RANBP2: variants seen among roughly 807,000 people sequenced by gnomAD.
The protein encoded by RANBP2 is RAN binding protein 2.
In RANBP2, 57 loss-of-function variants were observed where a neutral mutation model predicts 303.6. That is an observed-to-expected ratio of 0.19 (90% CI 0.15 to 0.23). RANBP2 has a LOEUF of 0.23. Among genes scored for constraint, RANBP2 ranks in the 10% least tolerant of loss-of-function variants. The pLI is 1.00. For synonymous variants in RANBP2, 1,167 were observed against 1,301.5 expected (o/e 0.90, Z 2.23); for missense variants, 3,138 against 3,780.8 (o/e 0.83, Z 4.46).
the RANBP2 span, among the ~76,000 whole-genome samples, chr2:109,064,924 A>G: frequency 6.6e-6 from 1 of 152,244 alleles, no homozygotes; most frequent in East Asian, 1.9e-4. Context: ...GGGATAGCGC[A>G]TGAGCTGGAT....
the RANBP2 span, among the ~76,000 whole-genome samples, chr2:109,015,943 G>A: frequency 6.6e-6 from 1 of 152,164 alleles, no homozygotes; most frequent in African/African-American, 2.4e-5. Flanking sequence ...AGGGGTCGGT[G>A]CCCCCACTTC....
In RANBP2 at chr2:108,763,518, T is replaced by C; in HGVS notation, c.2979T>C (p.Ser993=). The C allele has an allele frequency of 6.2e-7, 1 of 1,614,146 alleles. No homozygotes were observed. The highest frequency in any genetic ancestry group is 8.5e-7 in the Non-Finnish European group (1 of 1,179,998). ...CGATTGCAGCTCATGCTTCAAGATC[T>C]GCAGAATCTAAGACTATAGAATTTG... ...KPPIAAHASR[S]AESKTIEFGK... Residue 993 remains serine (S), a synonymous_variant, in exon 20 of 29, where the codon TCT becomes TCC. Coordinates refer to ENST00000283195, the MANE Select transcript of RANBP2 (RefSeq NM_006267.5).
the RANBP2 span, among the ~76,000 whole-genome samples, chr2:108,848,183 AAT>A: frequency 6.6e-6 from 1 of 152,246 alleles, no homozygotes; most frequent in East Asian, 1.9e-4. Flanking sequence ...TGTTTGAAAT[AAT>A]ATGTCAACAT....
At chr2:108,835,215 A>G in the RANBP2 span, among the ~76,000 whole-genome samples, 91 of 152,370 alleles carry the variant, frequency 6.0e-4, no homozygotes, top group African/African-American at 2.1e-3. Context: ...AGTTTCATAT[A>G]TAGGCACTGT....
At chr2:108,821,900 C>T in the RANBP2 span, among the ~76,000 whole-genome samples, 1 of 136,998 alleles carries the variant, frequency 7.3e-6, no homozygotes. Flanking sequence ...TGCGCTCCAG[C>T]ATGGGCAACA....
At chr2:109,671,517 G>A in the RANBP2 span, among the ~76,000 whole-genome samples, 2 of 152,176 alleles carry the variant, frequency 1.3e-5, no homozygotes, top group Non-Finnish European at 2.9e-5. Flanking sequence ...CATTGGAGGT[G>A]CAGCCAGGGC....
At chr2:109,658,102 C>T in the RANBP2 span, among the ~76,000 whole-genome samples, 6 of 151,884 alleles carry the variant, frequency 4.0e-5, no homozygotes, top group African/African-American at 9.7e-5. Context: ...TCAGAGTTCA[C>T]GTATAGAACC....
chr2:109,143,577 T>C, the RANBP2 span, among the ~76,000 whole-genome samples: 1 of 151,726 alleles, frequency 6.6e-6, no homozygotes, highest in African/African-American at 2.4e-5. Context: ...TCCCCATCTC[T>C]ACAAAAAATA....
chr2:109,766,257 G>A, the RANBP2 span, among the ~76,000 whole-genome samples: 1 of 151,184 alleles, frequency 6.6e-6, no homozygotes, highest in African/African-American at 2.4e-5. Flanking sequence ...GTGGGGAAGG[G>A]GCTGCTCATC....
the RANBP2 span, among the ~76,000 whole-genome samples, chr2:108,854,248 G>C: frequency 3.7e-4 from 56 of 150,700 alleles, no homozygotes; most frequent in African/African-American, 1.3e-3. Flanking sequence ...AGAAATGTAG[G>C]GAATTGTTGC....
At chr2:109,488,982 C>T in the RANBP2 span, among the ~76,000 whole-genome samples, 1 of 152,182 alleles carries the variant, frequency 6.6e-6, no homozygotes, top group African/African-American at 2.4e-5. Context: ...CCAGAACTCC[C>T]CATGGACTGT....
At chr2:109,136,713 T>C in the RANBP2 span, among the ~76,000 whole-genome samples, 1 of 152,198 alleles carries the variant, frequency 6.6e-6, no homozygotes, top group Admixed American at 6.5e-5. Context: ...TATGATGGTA[T>C]TTGCATTTCC....
the RANBP2 span, among the ~76,000 whole-genome samples, chr2:108,800,990 G>A: frequency 1.5e-5 from 1 of 66,456 alleles, no homozygotes; most frequent in Non-Finnish European, 3.3e-5. Flanking sequence ...GTATTCCATG[G>A]TATATATGTG....
chr2:109,621,301 C>T, the RANBP2 span, among the ~76,000 whole-genome samples: 5 of 152,006 alleles, frequency 3.3e-5, no homozygotes, highest in African/African-American at 4.8e-5. Context: ...TACAGTCGCG[C>T]GCCACTACGC....
At chr2:109,337,421 C>T in the RANBP2 span, among the ~76,000 whole-genome samples, 1 of 152,216 alleles carries the variant, frequency 6.6e-6, no homozygotes, top group African/African-American at 2.4e-5. Flanking sequence ...GTCCTTAGCG[C>T]CTTGCACTGT....
the RANBP2 span, among the ~76,000 whole-genome samples, chr2:109,132,628 T>C: frequency 6.6e-6 from 1 of 152,252 alleles, no homozygotes; most frequent in Non-Finnish European, 1.5e-5. Flanking sequence ...TGGCAAATAC[T>C]ATATGTGTGT....
chr2:108,770,517 A>T (rs1184593419), intron 20 of RANBP2, among the ~76,000 whole-genome samples: 2 of 152,226 alleles, frequency 1.3e-5, no homozygotes, highest in Non-Finnish European at 2.9e-5. Context: ...GTTACTTGGG[A>T]GGCTGAGGCA....
the RANBP2 span, among the ~76,000 whole-genome samples, chr2:109,258,241 G>A: frequency 1.3e-5 from 2 of 152,136 alleles, no homozygotes; most frequent in African/African-American, 2.4e-5. Context: ...ACAGCCTGGC[G>A]CTGTTTGTAG....
At chr2:109,370,876 C>T in the RANBP2 span, among the ~76,000 whole-genome samples, 2 of 152,312 alleles carry the variant, frequency 1.3e-5, 1 homozygote, top group East Asian at 3.9e-4. Context: ...GCTTTATGTG[C>T]CCATGACTCT....
Sources: gnomAD v4.1 joint callset for allele counts (sites outside exome capture counted in the v4.1 genomes callset) on GRCh38, gnomAD v4.1.1 for gene constraint, MANE v1.5 for transcripts, NCBI Gene and HGNC (gene_info 2026-07-23, HGNC 2026-07-21) for gene names.